SOBP: variants seen among roughly 807,000 people sequenced by gnomAD.
SOBP encodes sine oculis-binding protein homolog.
SOBP carries 4 observed loss-of-function variants against 53.6 expected under a neutral mutation model. The observed-to-expected ratio is 0.07, with a 90% CI of 0.04 to 0.17. SOBP has a LOEUF of 0.17. SOBP is among the 10% of genes least tolerant of loss of function. The pLI is 1.00. For missense variants in SOBP, 1,088 were observed against 1,204.7 expected (o/e 0.90, Z 1.43); for synonymous variants, 584 against 522.6 (o/e 1.12, Z -1.60).
chr6:107,611,283 G>A lies in SOBP; in HGVS notation c.670-22231G>A, dbSNP rs192113411. Among the ~76,000 whole-genome samples, 150 of 152,332 alleles carry A rather than the reference G, an allele frequency of 9.8e-4. 2 individuals carry two copies. The East Asian group carries it at 0.017, about 18-fold the overall frequency. ...GCTTTCTCCCAGAGAGGGGAAGAAA[G>A]AGGGGGCCCCGGTGGAGCCAAAGAA... On this transcript the variant is annotated intron_variant, in intron 5 of 6. Transcript: ENST00000317357.
chr6:107,499,000 TAAGGAAAC>T (rs1215691161), intron 1 of SOBP, among the ~76,000 whole-genome samples: 1 of 152,190 alleles, frequency 6.6e-6, no homozygotes, highest in Non-Finnish European at 1.5e-5. Flanking sequence ...GCACCCCTGT[TAAGGAAAC>T]TAGAGGTCAA....
At chr6:107,528,943 A>G (rs972464837) in intron 3 of SOBP, among the ~76,000 whole-genome samples, 2 of 152,220 alleles carry the variant, frequency 1.3e-5, no homozygotes, top group Admixed American at 6.5e-5. Context: ...CATTTGCACA[A>G]TGGAGATTAA....
chr6:107,563,267 G>T (rs1043069351), intron 4 of SOBP, among the ~76,000 whole-genome samples: 1 of 151,962 alleles, frequency 6.6e-6, no homozygotes, highest in African/African-American at 2.4e-5. Context: ...AAACAAAGAA[G>T]AAAAATAAGA....
intron 5 of SOBP, among the ~76,000 whole-genome samples, chr6:107,606,493 A>C (rs1037144629): frequency 7.2e-5 from 11 of 152,152 alleles, no homozygotes; most frequent in African/African-American, 1.2e-4. Context: ...AAGGGAATGC[A>C]GCTCCCCAGG....
rs200828966 is a variant in SOBP at position 107,634,098 on chromosome 6, T to C, written c.1254T>C (p.His418=). 1 of 1,601,408 alleles carries C rather than the reference T, an allele frequency of 6.2e-7. No individual in the cohort carries two copies. Among genetic ancestry groups the C allele is most frequent in the Non-Finnish European group, 8.5e-7 (1 of 1,173,434 alleles). Residue 418 remains histidine, a synonymous_variant, in exon 6 of 7, where the codon CAT becomes CAC. Coordinates refer to ENST00000317357, the MANE Select transcript of SOBP (RefSeq NM_018013.4). The surrounding 1 kb of genome is among the most constrained non-coding windows in gnomAD (Gnocchi z 4.5). ...RPPFIRGPPH[H]ASNPNSPLSN... is the part of the protein sequence containing the mutation. Reference sequence around the variant, plus strand: ...CCTTCATCCGCGGGCCTCCGCACCATGCCTCCAACCCCAACAGCCCCCTGT... The same window carrying C: ...CCTTCATCCGCGGGCCTCCGCACCACGCCTCCAACCCCAACAGCCCCCTGT...
intron 5 of SOBP, among the ~76,000 whole-genome samples, chr6:107,596,266 C>T (rs1785944058): frequency 6.6e-6 from 1 of 151,868 alleles, no homozygotes; most frequent in African/African-American, 2.4e-5. Flanking sequence ...TGTTTAATTG[C>T]CAGTGGCTTT....
At chr6:107,520,047 T>G (rs977708570) in intron 3 of SOBP, among the ~76,000 whole-genome samples, 2 of 152,034 alleles carry the variant, frequency 1.3e-5, no homozygotes, top group African/African-American at 4.8e-5. Context: ...GAATATACAA[T>G]GAAAGAGTAA....
Position 107,568,945 on chromosome 6 carries a change from A to G in SOBP, c.574-18135A>G, listed in dbSNP as rs1008563927. Among the ~76,000 whole-genome samples, 17 of 152,224 alleles carry G rather than the reference A, an allele frequency of 1.1e-4. No homozygotes were observed. The South Asian group carries it at 1.2e-3, about 11-fold the overall frequency. Reference sequence around the variant, plus strand: ...TTTTATTAACGTATATAAGGCTAATAAAAAAGAAAGAAAGATCCGTGATTG... The same window carrying G: ...TTTTATTAACGTATATAAGGCTAATGAAAAAGAAAGAAAGATCCGTGATTG... On this transcript the variant is annotated intron_variant, in intron 4 of 6. Coordinates refer to ENST00000317357, the MANE Select transcript of SOBP (RefSeq NM_018013.4).
intron 4 of SOBP, among the ~76,000 whole-genome samples, chr6:107,562,030 C>CT (rs1213715418): frequency 0.025 from 3,211 of 130,596 alleles, 76 homozygotes; most frequent in East Asian, 0.059. Flanking sequence ...CTCCCTGGTT[C>CT]TTTTTTTTTT....
At chr6:107,513,402 A>G (rs1472139321) in intron 3 of SOBP, among the ~76,000 whole-genome samples, 1 of 152,330 alleles carries the variant, frequency 6.6e-6, no homozygotes. Flanking sequence ...GCTAACCTCT[A>G]TGTATATAGC....
chr6:107,549,919 TCATGTTACTCTAACCCAGCTGTG>T (rs1784416015), intron 4 of SOBP, among the ~76,000 whole-genome samples: 1 of 152,134 alleles, frequency 6.6e-6, no homozygotes. Context: ...TAAGGTATGG[TCATGTTACTCTAACCCAGCTGTG>T]CATGGGAGGA....
In SOBP at chr6:107,634,033, A is replaced by G. The variant is rs771906811; in HGVS notation, c.1189A>G (p.Ile397Val). The G allele has an allele frequency of 1.2e-6, 2 of 1,610,638 alleles. No homozygotes were observed. The highest frequency in any genetic ancestry group is 1.7e-6 in the Non-Finnish European group (2 of 1,178,302). Residue 397 changes from isoleucine to valine, a missense_variant, in exon 6 of 7, where the codon ATC (isoleucine) becomes GTC (valine). Physicochemically the swap from Ile to Val is conservative, Grantham distance 29. Around this residue, in one of 6 missense-constraint regions of SOBP, gnomAD observed 211 missense variants for 258.9 expected, o/e 0.82. Transcript: ENST00000317357. The surrounding 1 kb of genome is among the most constrained non-coding windows in gnomAD (Gnocchi z 4.5). ...CAACCGCGGCCCGGTGCCGCTGCCC[A>G]TCTTCATGGAGCAGCAGATCATGCA... is the stretch of plus-strand genomic sequence containing the variant. ...MTNRGPVPLPIFMEQQIMQQI... is the reference protein window; with the variant it reads ...MTNRGPVPLPVFMEQQIMQQI...
At chr6:107,530,481 G>A (rs1385598803) in intron 3 of SOBP, among the ~76,000 whole-genome samples, 1 of 151,830 alleles carries the variant, frequency 6.6e-6, no homozygotes, top group Non-Finnish European at 1.5e-5. Flanking sequence ...ACTATAGTTT[G>A]GCTGACAATA....
intron 5 of SOBP, among the ~76,000 whole-genome samples, chr6:107,632,626 T>C (rs117497863): frequency 0.02 from 3,116 of 152,366 alleles, 66 homozygotes; most frequent in Non-Finnish European, 0.033. Context: ...GTTCTGAAGC[T>C]GAGAATGAGT....
At chr6:107,500,488 T>C (rs982093915) in intron 1 of SOBP, among the ~76,000 whole-genome samples, 1 of 152,142 alleles carries the variant, frequency 6.6e-6, no homozygotes, top group South Asian at 2.1e-4. Context: ...CTGTGACATC[T>C]AGCATCAAAC....
At chr6:107,542,917 A>G (rs1205869484) in intron 4 of SOBP, among the ~76,000 whole-genome samples, 2 of 152,068 alleles carry the variant, frequency 1.3e-5, no homozygotes, top group Non-Finnish European at 2.9e-5. Context: ...CAAGCTCCAT[A>G]CAGAATCTAA....
At chr6:107,652,927 C>G (rs574790492) in intron 6 of SOBP, among the ~76,000 whole-genome samples, 1 of 151,904 alleles carries the variant, frequency 6.6e-6, no homozygotes, top group African/African-American at 2.4e-5. Context: ...AATGCTACTG[C>G]ACATTTAATA....
At chr6:107,627,384 A>G (rs1446214510) in intron 5 of SOBP, among the ~76,000 whole-genome samples, 1 of 152,232 alleles carries the variant, frequency 6.6e-6, no homozygotes, top group Non-Finnish European at 1.5e-5. Flanking sequence ...TCTGCCTTAC[A>G]GAGTTCATGG....
At chr6:107,500,682 C>T (rs544748419) in intron 1 of SOBP, among the ~76,000 whole-genome samples, 48 of 151,716 alleles carry the variant, frequency 3.2e-4, no homozygotes, top group African/African-American at 5.6e-4. Context: ...CCACTACGCC[C>T]GGCTAATTTT....
Sources: gnomAD v4.1 joint callset for allele counts (sites outside exome capture counted in the v4.1 genomes callset) on GRCh38, gnomAD v4.1.1 for gene constraint, gnomAD v4.1.1 regional missense constraint, Gnocchi (gnomAD v3.1) non-coding constraint, MANE v1.5 for transcripts, NCBI Gene and HGNC (gene_info 2026-07-23, HGNC 2026-07-21) for gene names.